Variants in ABHD17C observed in about 807,000 individuals in gnomAD.
ABHD17C encodes alpha/beta hydrolase domain-containing protein 17C.
ABHD17C carries 11 observed loss-of-function variants against 27.9 expected under a neutral mutation model. The observed-to-expected ratio is 0.39, with a 90% CI of 0.25 to 0.65. The LOEUF (loss-of-function observed/expected upper bound fraction) is 0.65, where lower values mean the gene tolerates loss of function less well. Among genes scored for constraint, ABHD17C ranks in the 30% least tolerant of loss-of-function variants. The pLI is 0.45. For missense variants in ABHD17C, 280 were observed against 470.2 expected (o/e 0.60, Z 3.74); for synonymous variants, 233 against 209.1 (o/e 1.11, Z -0.98).
At chr15:80,744,100 CT>C (rs998444736) in intron 1 of ABHD17C, among the ~76,000 whole-genome samples, 15 of 152,016 alleles carry the variant, frequency 9.9e-5, no homozygotes, top group African/African-American at 3.1e-4. Flanking sequence ...TTCATTGTCT[CT>C]TTTTTCCCCC....
At chr15:80,724,313 G>GC (rs1407279948) in intron 1 of ABHD17C, among the ~76,000 whole-genome samples, 2 of 152,226 alleles carry the variant, frequency 1.3e-5, no homozygotes, top group East Asian at 3.9e-4. Flanking sequence ...GGGCAACAGA[G>GC]CAAGACCCTG....
At chr15:80,749,983 C>G (rs1895344042) in intron 2 of ABHD17C, among the ~76,000 whole-genome samples, 1 of 152,174 alleles carries the variant, frequency 6.6e-6, no homozygotes, top group African/African-American at 2.4e-5. Flanking sequence ...TAACAGCACC[C>G]ATACATCCTA....
At chr15:80,698,187 C>T (rs1337166218) in intron 1 of ABHD17C, among the ~76,000 whole-genome samples, 8 of 151,736 alleles carry the variant, frequency 5.3e-5, no homozygotes, top group African/African-American at 1.5e-4. Flanking sequence ...ACCTCAGCCT[C>T]CCGAGTAGCT....
chr15:80,745,068 T>C (rs1895263944), intron 1 of ABHD17C, among the ~76,000 whole-genome samples: 1 of 152,162 alleles, frequency 6.6e-6, no homozygotes, highest in South Asian at 2.1e-4. Context: ...TGTCATGAAA[T>C]ATAACTGCCA....
chr15:80,701,702 T>G (rs1001863774), intron 1 of ABHD17C, among the ~76,000 whole-genome samples: 1 of 151,442 alleles, frequency 6.6e-6, no homozygotes, highest in Admixed American at 6.6e-5. Context: ...ACAAATGTTA[T>G]GAATACTGTT....
rs902126028 is a variant in ABHD17C at position 80,725,910 on chromosome 15, G to A, written c.591-23603G>A. On this transcript the variant is annotated intron_variant, in intron 1 of 2. Coordinates refer to ENST00000258884, the MANE Select transcript of ABHD17C (RefSeq NM_021214.2). The stretch of plus-strand genomic sequence containing the variant: ...GAGACCCTAACCCAGCGGCACTAGA[G>A]GAATTAAAGATACACACACAGAAAT... Among the ~76,000 whole-genome samples the A allele has an allele frequency of 2.0e-5, 3 of 152,290 alleles. No homozygotes were observed. In the East Asian group the frequency reaches 5.8e-4, roughly 29 times the overall value.
At chr15:80,704,356 T>C (rs1445779799) in intron 1 of ABHD17C, among the ~76,000 whole-genome samples, 2 of 152,086 alleles carry the variant, frequency 1.3e-5, no homozygotes, top group Admixed American at 6.5e-5. Flanking sequence ...TGCACATCAC[T>C]GTGGCCCACC....
intron 1 of ABHD17C, among the ~76,000 whole-genome samples, chr15:80,712,020 C>T (rs1231941316): frequency 6.6e-6 from 1 of 152,156 alleles, no homozygotes. Context: ...TCCATTAGCC[C>T]TCCTGCACCA....
chr15:80,708,202 C>T (rs1013672665), intron 1 of ABHD17C, among the ~76,000 whole-genome samples: 2 of 152,046 alleles, frequency 1.3e-5, no homozygotes, highest in Non-Finnish European at 2.9e-5. Flanking sequence ...CCATCTTTTC[C>T]TTCTCCTTCT....
chr15:80,750,176 C>G (rs16972332), intron 2 of ABHD17C, among the ~76,000 whole-genome samples: 2,225 of 152,224 alleles, frequency 0.015, 74 homozygotes, highest in East Asian at 0.083. Context: ...GAAAAGGTAC[C>G]ATGCTCAGTT....
intron 1 of ABHD17C, among the ~76,000 whole-genome samples, chr15:80,726,855 T>A (rs1894987861): frequency 1.3e-5 from 2 of 152,352 alleles, no homozygotes; most frequent in Admixed American, 6.5e-5. Flanking sequence ...TGCATTGTAG[T>A]TAAGGAATGT....
intron 1 of ABHD17C, chr15:80,704,633 A>G (rs1416709032): frequency 6.6e-6 from 1 of 151,426 alleles, no homozygotes; most frequent in Non-Finnish European, 1.5e-5. Flanking sequence ...GTCCTGAGAG[A>G]AGGGGCCTGT....
intron 1 of ABHD17C, among the ~76,000 whole-genome samples, chr15:80,714,475 A>T (rs1894776296): frequency 6.6e-6 from 1 of 152,236 alleles, no homozygotes; most frequent in Non-Finnish European, 1.5e-5. Flanking sequence ...CCATGTTAAA[A>T]GGTGAGCCAG....
intron 1 of ABHD17C, among the ~76,000 whole-genome samples, chr15:80,733,700 A>G (rs1356151106): frequency 6.6e-6 from 1 of 152,210 alleles, no homozygotes; most frequent in African/African-American, 2.4e-5. Flanking sequence ...TTTGCAAGTC[A>G]GTGTCAAGCA....
At position 80,754,195 on chromosome 15, in the gene ABHD17C, A is replaced by G; in HGVS notation, c.815A>G (p.His272Arg). Residue 272 changes from histidine (H) to arginine (R), a missense_variant, in exon 3 of 3, where the codon CAT becomes CGT. By Grantham distance (29) the His-to-Arg change is conservative (BLOSUM62 0). This residue lies in a region of ABHD17C where 206 missense variants were observed against 394.7 expected (regional missense o/e 0.52). Coordinates refer to ENST00000258884, the MANE Select transcript of ABHD17C (RefSeq NM_021214.2). ...GTCACCTCTCCTGTGTTGGTCATTCATGGTACAGAGGATGAGGTCATCGAT... is the reference window on the plus strand; with the variant it reads ...GTCACCTCTCCTGTGTTGGTCATTCGTGGTACAGAGGATGAGGTCATCGAT... ...SKVTSPVLVI[H>R]GTEDEVIDFS... is the part of the protein sequence containing the mutation. 2 of 1,613,880 alleles carry G rather than the reference A, an allele frequency of 1.2e-6. No individual in the cohort carries two copies. Among genetic ancestry groups the G allele is most frequent in the Non-Finnish European group, 1.7e-6 (2 of 1,179,876 alleles).
chr15:80,735,194 C>T (rs920842502), intron 1 of ABHD17C, among the ~76,000 whole-genome samples: 1 of 152,198 alleles, frequency 6.6e-6, no homozygotes, highest in African/African-American at 2.4e-5. Flanking sequence ...GTAATTAACC[C>T]TGAGAGGTTA....
intron 1 of ABHD17C, among the ~76,000 whole-genome samples, chr15:80,748,560 T>G (rs1256368580): frequency 6.6e-6 from 1 of 152,142 alleles, no homozygotes. Flanking sequence ...GACATTCGTC[T>G]TCATTTCTTT....
At chr15:80,711,346 A>T (rs972180818) in intron 1 of ABHD17C, among the ~76,000 whole-genome samples, 1 of 152,166 alleles carries the variant, frequency 6.6e-6, no homozygotes, top group African/African-American at 2.4e-5. Flanking sequence ...CTCTTTGGTC[A>T]CTTTCTGTGG....
intron 1 of ABHD17C, among the ~76,000 whole-genome samples, chr15:80,717,305 C>A (rs2759315): frequency 0.32 from 47,876 of 147,952 alleles, 9,286 homozygotes; most frequent in Non-Finnish European, 0.45. Context: ...TTCATCTTTG[C>A]CTCATCCATA....
Sources: allele counts gnomAD v4.1 joint callset (sites outside exome capture counted in the v4.1 genomes callset), GRCh38; gene constraint gnomAD v4.1.1; regional missense constraint gnomAD v4.1.1; transcripts MANE v1.5; gene names NCBI Gene and HGNC (gene_info 2026-07-23, HGNC 2026-07-21).